The following ANXA13 variants were observed in gnomAD, a reference collection of about 807,000 sequenced individuals.
ANXA13 encodes the protein annexin XIII.
In ANXA13, 36 loss-of-function variants were observed where a neutral mutation model predicts 46.6. The observed-to-expected ratio is 0.77, with a 90% CI of 0.59 to 1.02. ANXA13 has a LOEUF of 1.02. Ranked by LOEUF, ANXA13 falls within the 50% of genes least tolerant of loss-of-function variation. The pLI, the probability that ANXA13 is intolerant of heterozygous loss-of-function variation, is 0.00. For missense variants in ANXA13, 417 were observed against 396.5 expected, an observed-to-expected ratio of 1.05 and a Z score of -0.44; for synonymous variants, 163 against 152.9, an observed-to-expected ratio of 1.07 and a Z score of -0.49.
intron 2 of ANXA13, among the ~76,000 whole-genome samples, chr8:123,705,162 C>T (rs894591880): frequency 2.0e-5 from 3 of 152,212 alleles, no homozygotes; most frequent in African/African-American, 7.2e-5. Context: ...ACTACCAAGT[C>T]CTGCCTGTCT....
intron 9 of ANXA13, among the ~76,000 whole-genome samples, chr8:123,685,032 C>T (rs540845663): frequency 2.6e-5 from 4 of 152,224 alleles, no homozygotes; most frequent in African/African-American, 9.6e-5. Flanking sequence ...CTTTCCCTAT[C>T]GAGTGAAATC....
At chr8:123,703,981 T>C (rs563451629) in intron 2 of ANXA13, among the ~76,000 whole-genome samples, 4 of 152,210 alleles carry the variant, frequency 2.6e-5, no homozygotes, top group Non-Finnish European at 4.4e-5. Flanking sequence ...TGCATGACAT[T>C]GGGCAAGTGA....
At chr8:123,731,319 A>G (rs1370887261) in intron 1 of ANXA13, among the ~76,000 whole-genome samples, 1 of 152,236 alleles carries the variant, frequency 6.6e-6, no homozygotes, top group Non-Finnish European at 1.5e-5. Flanking sequence ...GTTTAAAAAT[A>G]TACAGACGCC....
intron 1 of ANXA13, chr8:123,735,883 G>T: frequency 6.3e-7 from 1 of 1,588,446 alleles, no homozygotes; most frequent in Non-Finnish European, 8.6e-7. Context: ...TGGCTCTGAG[G>T]ATTAAAAAAA....
At chr8:123,728,957 C>A (rs1162606522) in intron 1 of ANXA13, 1 of 152,052 alleles carries the variant, frequency 6.6e-6, no homozygotes, top group Admixed American at 6.6e-5. Context: ...ATCTGATTTT[C>A]AAGTTTGCAT....
intron 1 of ANXA13, among the ~76,000 whole-genome samples, chr8:123,733,783 C>T (rs1814185076): frequency 6.6e-6 from 1 of 152,164 alleles, no homozygotes; most frequent in African/African-American, 2.4e-5. Flanking sequence ...ACTTACAAAC[C>T]CTGATGCGCA....
chr8:123,692,216 T>G (rs1226480795), intron 8 of ANXA13, among the ~76,000 whole-genome samples: 1 of 152,200 alleles, frequency 6.6e-6, no homozygotes, highest in East Asian at 1.9e-4. Context: ...TCTCATCCAC[T>G]CTCTGCTACC....
Position 123,695,438 on chromosome 8 carries a change from G to T in ANXA13, c.471+64C>A, listed in dbSNP as rs888215269. Reference sequence around the variant, plus strand: ...TATCTACGTTACCCTTTTTCATCATGGTGCCATGTTGCCAAGGATTCTTTC... The same window carrying T: ...TATCTACGTTACCCTTTTTCATCATTGTGCCATGTTGCCAAGGATTCTTTC... On this transcript the variant is annotated intron_variant, in intron 6 of 10. Transcript: ENST00000419625. 27 of 1,218,022 alleles carry T rather than the reference G, an allele frequency of 2.2e-5. No individual in the cohort carries two copies. The South Asian group carries it at 3.3e-4, about 15-fold the overall frequency. The allele number at this position is 1,218,022 out of a possible 1,614,324, so 75.5% of individuals were successfully genotyped here. A position where few individuals can be genotyped will look rare whatever the true frequency, so the allele number is the denominator to read the frequency against.
Position 123,732,316 on chromosome 8 carries a change from G to T in ANXA13, c.15+5004C>A, listed in dbSNP as rs140769618. Reference sequence around the variant, plus strand: ...TAACACATGTGAAGTGCTTGGTGGCGTGAAGGACTCAAACTTCCAGGGTCA... The same window carrying T: ...TAACACATGTGAAGTGCTTGGTGGCTTGAAGGACTCAAACTTCCAGGGTCA... On this transcript the variant is annotated intron_variant, in intron 1 of 10. Coordinates refer to ENST00000419625, the MANE Select transcript of ANXA13 (RefSeq NM_004306.4). Among the ~76,000 whole-genome samples, 54 of 152,300 alleles carry T rather than the reference G, an allele frequency of 3.5e-4. No individual in the cohort carries two copies. The East Asian group carries it at 9.8e-3, about 28-fold the overall frequency.
At chr8:123,688,389 G>A (rs1458008439) in intron 9 of ANXA13, among the ~76,000 whole-genome samples, 1 of 152,178 alleles carries the variant, frequency 6.6e-6, no homozygotes, top group South Asian at 2.1e-4. Flanking sequence ...AGTCCATTAA[G>A]CATCTTTTTC....
chr8:123,720,158 T>C (rs1481576445), intron 1 of ANXA13, among the ~76,000 whole-genome samples: 4 of 152,192 alleles, frequency 2.6e-5, no homozygotes, highest in Non-Finnish European at 5.9e-5. Flanking sequence ...GGTTGCTTAG[T>C]ATCTGGGCTG....
At chr8:123,711,047 A>T (rs1015902718) in intron 2 of ANXA13, among the ~76,000 whole-genome samples, 4 of 152,174 alleles carry the variant, frequency 2.6e-5, no homozygotes, top group Non-Finnish European at 2.9e-5. Flanking sequence ...GGCTGGAGCC[A>T]TGAGAAACCA....
chr8:123,681,059 G>T lies in ANXA13; in HGVS notation c.*181C>A, dbSNP rs530808691. 1.4e-6 allele frequency: 1 copy of T among 697,718 alleles called. No individual in the cohort carries two copies. Among genetic ancestry groups the T allele is most frequent in the South Asian group, 3.4e-5 (1 of 29,358 alleles). The allele number at this position is 697,718 out of a possible 1,614,324, so 43.2% of individuals were successfully genotyped here. On this transcript the variant is annotated 3_prime_UTR_variant, in exon 11 of 11. Coordinates refer to ENST00000419625, the MANE Select transcript of ANXA13 (RefSeq NM_004306.4). ...CCAGAGTTCAAGGTGCCCTGCCCACGCATCTTAACGTTACTGCCCTTAACT... is the reference window on the plus strand; with the variant it reads ...CCAGAGTTCAAGGTGCCCTGCCCACTCATCTTAACGTTACTGCCCTTAACT...
intron 8 of ANXA13, 131 bp downstream of exon 8, chr8:123,693,066 A>T: frequency 1.3e-6 from 1 of 775,386 alleles, no homozygotes; most frequent in South Asian, 1.7e-5. Flanking sequence ...CCTAGGTAGG[A>T]AAATCGCCTC....
rs1349447445 is a variant in ANXA13, at chr8:123,693,357, G to A, written c.541-59C>T. ...CTTTTGTGAAAAGACTGATTATGCAGTGCTGTGACTAGGCCTCACTGACAG... is the reference window on the plus strand; with the variant it reads ...CTTTTGTGAAAAGACTGATTATGCAATGCTGTGACTAGGCCTCACTGACAG... On this transcript the variant is annotated intron_variant, in intron 7 of 10. Coordinates refer to ENST00000419625, the MANE Select transcript of ANXA13 (RefSeq NM_004306.4). 8 of 1,462,554 alleles carry A rather than the reference G, an allele frequency of 5.5e-6. No individual in the cohort carries two copies. The South Asian group carries it at 8.0e-5, about 15-fold the overall frequency. The allele number at this position is 1,462,554 out of a possible 1,614,324, so 90.6% of individuals were successfully genotyped here.
At chr8:123,703,014 C>T (rs949635971) in intron 2 of ANXA13, among the ~76,000 whole-genome samples, 18 of 152,082 alleles carry the variant, frequency 1.2e-4, no homozygotes, top group African/African-American at 3.9e-4. Flanking sequence ...AATTTTATTC[C>T]TAGGGAAATG....
intron 1 of ANXA13, among the ~76,000 whole-genome samples, chr8:123,727,158 T>C (rs1300748161): frequency 1.3e-5 from 2 of 152,132 alleles, no homozygotes; most frequent in Non-Finnish European, 2.9e-5. Flanking sequence ...CTGAAGAACT[T>C]ACTCATGTAA....
At chr8:123,728,096 T>G (rs1301197162) in intron 1 of ANXA13, 1 of 152,198 alleles carries the variant, frequency 6.6e-6, no homozygotes, top group Non-Finnish European at 1.5e-5. Flanking sequence ...CCAAGTGACA[T>G]CTCTCTGTTG....
intron 3 of ANXA13, 55 bp from the exon 4 acceptor site, chr8:123,698,614 G>T: frequency 6.3e-7 from 1 of 1,575,476 alleles, no homozygotes; most frequent in Admixed American, 1.7e-5. Flanking sequence ...AGAGGGGCAG[G>T]TGTCTGCTTG....
Sources: allele counts gnomAD v4.1 joint callset (sites outside exome capture counted in the v4.1 genomes callset), GRCh38; gene constraint gnomAD v4.1.1; transcripts MANE v1.5; gene names NCBI Gene and HGNC (gene_info 2026-07-23, HGNC 2026-07-21).